Variants in ST3GAL1 observed in about 807,000 individuals in gnomAD.
ST3GAL1 encodes the protein CMP-N-acetylneuraminate-beta-galactosamide-alpha-2,3-sialyltransferase 1.
Under a neutral mutation model 34.1 loss-of-function variants are expected in ST3GAL1, and 16 were observed. The ratio of observed to expected loss-of-function variants is 0.47; its 90% confidence interval spans 0.32 to 0.71. The LOEUF is 0.71. Ranked by LOEUF, ST3GAL1 falls within the 30% of genes least tolerant of loss-of-function variation. The probability of loss-of-function intolerance (pLI) is 0.04; values close to 1 mark genes in which losing one functional copy is unlikely to be tolerated. For missense variants in ST3GAL1, 353 were observed against 447.4 expected, an observed-to-expected ratio of 0.79 and a Z score of 1.90; for synonymous variants, 191 against 184.7, an observed-to-expected ratio of 1.03 and a Z score of -0.28.
intron 8 of ST3GAL1, among the ~76,000 whole-genome samples, chr8:133,463,017 G>A (rs1815568394): frequency 6.6e-6 from 1 of 152,234 alleles, no homozygotes; most frequent in African/African-American, 2.4e-5. Context: ...GGGGCCTGCT[G>A]GGGAAGATGG....
At chr8:133,465,785 G>A in intron 6 of ST3GAL1, 109 bp downstream of exon 6, 1 of 1,292,992 alleles carries the variant, frequency 7.7e-7, no homozygotes, top group Non-Finnish European at 1.1e-6. Context: ...GGTAAGTTCA[G>A]TCCCAGGACT....
At chr8:133,463,890 G>C (rs1316775858) in intron 7 of ST3GAL1, among the ~76,000 whole-genome samples, 1 of 152,162 alleles carries the variant, frequency 6.6e-6, no homozygotes, top group Non-Finnish European at 1.5e-5. Context: ...TGCCAAAGCT[G>C]GTCCCACGGG....
chr8:133,547,733 G>A (rs1393458321), intron 1 of ST3GAL1, among the ~76,000 whole-genome samples: 2 of 152,234 alleles, frequency 1.3e-5, no homozygotes, highest in Non-Finnish European at 2.9e-5. Flanking sequence ...GTTTGGGGCT[G>A]TTTGTTATAC....
intron 1 of ST3GAL1, among the ~76,000 whole-genome samples, chr8:133,547,889 G>T (rs751416736): frequency 1.3e-5 from 2 of 152,212 alleles, no homozygotes; most frequent in Admixed American, 6.5e-5. Context: ...AGAAGGCAGG[G>T]CCCTGGGCAA....
intron 2 of ST3GAL1, among the ~76,000 whole-genome samples, chr8:133,541,114 T>TAGAGAGAGAGAGAGAGAGAGAGAGAGAG (rs1299790632): frequency 2.3e-5 from 1 of 44,078 alleles, no homozygotes. Context: ...TATATATATA[T>TAGAGAGAGAGAGAGAGAGAGAGAGAGAG]ATATATAGAG....
chr8:133,495,684 G>C (rs546332641), intron 3 of ST3GAL1, among the ~76,000 whole-genome samples: 9 of 152,308 alleles, frequency 5.9e-5, no homozygotes, highest in Middle Eastern at 3.4e-3. Flanking sequence ...AAGCTGGCTT[G>C]CTTGCTGTCT....
At chr8:133,464,281 G>C (rs1462061661) in intron 7 of ST3GAL1, among the ~76,000 whole-genome samples, 1 of 152,110 alleles carries the variant, frequency 6.6e-6, no homozygotes, top group East Asian at 1.9e-4. Flanking sequence ...GTCTGCTCAG[G>C]AAACTAAGCT....
At chr8:133,506,613 C>T (rs926134863) in intron 2 of ST3GAL1, among the ~76,000 whole-genome samples, 2 of 149,970 alleles carry the variant, frequency 1.3e-5, no homozygotes, top group Admixed American at 6.7e-5. Context: ...GGTGAAACCC[C>T]GTTTCTACTT....
intron 8 of ST3GAL1, among the ~76,000 whole-genome samples, chr8:133,462,484 G>A (rs914231780): frequency 6.6e-6 from 1 of 152,194 alleles, no homozygotes; most frequent in African/African-American, 2.4e-5. Context: ...GAAGCCCAGA[G>A]AGGCTAAGTG....
chr8:133,485,267 C>T (rs186878270), intron 3 of ST3GAL1, among the ~76,000 whole-genome samples: 1 of 152,346 alleles, frequency 6.6e-6, no homozygotes, highest in East Asian at 1.9e-4. Flanking sequence ...CTGGGACGGG[C>T]AGGTGGGCGA....
intron 3 of ST3GAL1, among the ~76,000 whole-genome samples, chr8:133,491,046 T>TGGCACTAAG (rs777740312): frequency 1.3e-5 from 2 of 152,108 alleles, no homozygotes; most frequent in Non-Finnish European, 2.9e-5. Flanking sequence ...TGCCTCCTGC[T>TGGCACTAAG]TGTTCCTTTG....
At chr8:133,480,516 C>A (rs1307113635) in intron 3 of ST3GAL1, among the ~76,000 whole-genome samples, 1 of 152,168 alleles carries the variant, frequency 6.6e-6, no homozygotes, top group Non-Finnish European at 1.5e-5. Context: ...TAGAGAAATG[C>A]CTGAGCGAAC....
chr8:133,491,644 G>T (rs12550775), intron 3 of ST3GAL1, among the ~76,000 whole-genome samples: 4 of 152,124 alleles, frequency 2.6e-5, no homozygotes, highest in East Asian at 1.9e-4. Context: ...GGAGCTGAGG[G>T]GCAGCCTCTA....
chr8:133,494,082 C>A (rs1816869035), intron 3 of ST3GAL1, among the ~76,000 whole-genome samples: 1 of 152,130 alleles, frequency 6.6e-6, no homozygotes, highest in African/African-American at 2.4e-5. Flanking sequence ...AAGGGATAAT[C>A]AAAAACCTAG....
intron 2 of ST3GAL1, among the ~76,000 whole-genome samples, chr8:133,540,776 G>T (rs28649434): frequency 0.42 from 30,274 of 72,830 alleles, 5,980 homozygotes; most frequent in Middle Eastern, 0.55. Context: ...TATATATATA[G>T]AGACATATAT....
chr8:133,541,702 C>T (rs1011311868), intron 2 of ST3GAL1, among the ~76,000 whole-genome samples: 6 of 152,112 alleles, frequency 3.9e-5, no homozygotes, highest in East Asian at 1.9e-4. Context: ...GATCAAAAGC[C>T]GAGGGACAAA....
chr8:133,497,899 A>G (rs1332758693), intron 3 of ST3GAL1, among the ~76,000 whole-genome samples: 1 of 152,180 alleles, frequency 6.6e-6, no homozygotes, highest in Non-Finnish European at 1.5e-5. Context: ...GCAAACACCC[A>G]GAGAATCAAA....
chr8:133,534,372 C>CAT (rs970720550), intron 2 of ST3GAL1, among the ~76,000 whole-genome samples: 3 of 151,112 alleles, frequency 2.0e-5, no homozygotes, highest in Non-Finnish European at 4.4e-5. Flanking sequence ...TATATATGGA[C>CAT]ATATATATAT....
chr8:133,507,326 A>G lies in ST3GAL1; in HGVS notation c.-428-8137T>C, dbSNP rs117314308. On this transcript the variant is annotated intron_variant, in intron 2 of 9. Coordinates refer to ENST00000522652, the MANE Select transcript of ST3GAL1 (RefSeq NM_173344.3). ...TGCAGTGCCTTCTGGGTCTGCCTGG[A>G]GAAAGAGAAAGAACAGGAAGGCACA... 5.4e-3 allele frequency among the ~76,000 whole-genome samples: 824 copies of G among 152,360 alleles called. 5 individuals carry two copies. The highest frequency in any genetic ancestry group is 0.017 in the Middle Eastern group (5 of 294).
Sources: gnomAD v4.1 joint callset for allele counts (sites outside exome capture counted in the v4.1 genomes callset) on GRCh38, gnomAD v4.1.1 for gene constraint, MANE v1.5 for transcripts, NCBI Gene and HGNC (gene_info 2026-07-23, HGNC 2026-07-21) for gene names.